Variants in FBXO32 observed in about 807,000 individuals in gnomAD.
FBXO32 encodes F-box only protein 32.
Under a neutral mutation model 48.3 loss-of-function variants are expected in FBXO32, and 15 were observed. The observed-to-expected ratio is 0.31, with a 90% CI of 0.21 to 0.48. The LOEUF is 0.48. FBXO32 is among the 20% of genes least tolerant of loss of function. The pLI is 0.99. For missense variants in FBXO32, 309 were observed against 432.7 expected (o/e 0.71, Z 2.54); for synonymous variants, 154 against 165.9 (o/e 0.93, Z 0.55).
chr8:123,503,569 G>T (rs1816544656), intron 8 of FBXO32, 107 bp from the exon 9 acceptor site: 1 of 756,766 alleles, frequency 1.3e-6, no homozygotes, highest in Non-Finnish European at 2.2e-6. Flanking sequence ...TGTCAATAAT[G>T]CCCCAGGCCT....
chr8:123,503,513 C>T, intron 8 of FBXO32, 51 bp from the exon 9 acceptor site: 1 of 1,463,258 alleles, frequency 6.8e-7, no homozygotes, highest in Non-Finnish European at 9.5e-7. Flanking sequence ...CTCTCTTTGG[C>T]TTTTAGCACC....
At chr8:123,504,192 C>CA (rs1346698749) in intron 8 of FBXO32, among the ~76,000 whole-genome samples, 1 of 151,886 alleles carries the variant, frequency 6.6e-6, no homozygotes, top group African/African-American at 2.4e-5. Context: ...ATGAATGTGT[C>CA]AAAGTACATT....
At chr8:123,534,836 G>C (rs1563927548) in intron 1 of FBXO32, 22 bp from the exon 2 acceptor site, 2 of 1,502,886 alleles carry the variant, frequency 1.3e-6, no homozygotes, top group Admixed American at 1.7e-5. Context: ...AGAAGACAAA[G>C]AGGATGAGCT....
intron 6 of FBXO32, among the ~76,000 whole-genome samples, chr8:123,509,033 A>G (rs1215535403): frequency 6.6e-6 from 1 of 152,136 alleles, no homozygotes; most frequent in Non-Finnish European, 1.5e-5. Context: ...CACTCCTCAC[A>G]TGCTTCAAAA....
chr8:123,513,117 G>T lies in FBXO32; in HGVS notation c.651+81C>A. On this transcript the variant is annotated intron_variant, in intron 6 of 8. Coordinates refer to ENST00000517956, the MANE Select transcript of FBXO32 (RefSeq NM_058229.4). This position sits in a 1 kb window ranked among gnomAD's most constrained non-coding sequence, Gnocchi z 4.3. ...GACCAGACTCTTCCGTCACAGGAGT[G>T]AATTCAAAGTCTTGGCGAGTCTGTC... is the stretch of plus-strand genomic sequence containing the variant. 7.0e-7 allele frequency: 1 copy of T among 1,426,806 alleles called. No homozygotes were observed. The highest frequency in any genetic ancestry group is 9.8e-7 in the Non-Finnish European group (1 of 1,023,832). The allele number at this position is 1,426,806 out of a possible 1,614,324, so 88.4% of individuals were successfully genotyped here. A position where few individuals can be genotyped will look rare whatever the true frequency, so the allele number is the denominator to read the frequency against.
intron 4 of FBXO32, among the ~76,000 whole-genome samples, chr8:123,518,948 A>G (rs1446124155): frequency 6.6e-6 from 1 of 152,128 alleles, no homozygotes; most frequent in Non-Finnish European, 1.5e-5. Flanking sequence ...CAGCCTCCCA[A>G]GTAGCTGGGA....
chr8:123,535,612 C>T (rs946959624), intron 1 of FBXO32, among the ~76,000 whole-genome samples: 6 of 152,180 alleles, frequency 3.9e-5, no homozygotes, highest in Admixed American at 6.5e-5. Flanking sequence ...TCGGGCCAGA[C>T]GCTTATTTGC....
chr8:123,534,115 A>C (rs1587003560), intron 2 of FBXO32, among the ~76,000 whole-genome samples: 1 of 133,050 alleles, frequency 7.5e-6, no homozygotes, highest in South Asian at 2.4e-4. Context: ...AAACAAACAA[A>C]AAACACCAAA....
chr8:123,512,401 G>A (rs1222447709), intron 6 of FBXO32, among the ~76,000 whole-genome samples: 1 of 152,178 alleles, frequency 6.6e-6, no homozygotes, highest in Non-Finnish European at 1.5e-5. Flanking sequence ...CTTTATCAGT[G>A]TGGGTCCCGG....
intron 1 of FBXO32, among the ~76,000 whole-genome samples, chr8:123,539,578 C>G (rs1341733317): frequency 6.6e-6 from 1 of 152,196 alleles, no homozygotes; most frequent in Non-Finnish European, 1.5e-5. Context: ...GCTCAAGTCT[C>G]TCCGGACAGA....
chr8:123,514,351 A>AGTTGCCAG lies in FBXO32; in HGVS notation c.373-26_373-19dup. ...TCCAACAGCTGAGGATAAAAATAGAAGTTGCCAGGCTTAGAGTACAGAGAT... is the reference window on the plus strand; with the variant it reads ...TCCAACAGCTGAGGATAAAAATAGAAGTTGCCAGGTTGCCAGGCTTAGAGTACAGAGAT... On this transcript the variant is annotated intron_variant, in intron 4 of 8. Coordinates refer to ENST00000517956, the MANE Select transcript of FBXO32 (RefSeq NM_058229.4). 17 of 1,602,982 alleles carry AGTTGCCAG rather than the reference A, an allele frequency of 1.1e-5. No individual in the cohort carries two copies. The Middle Eastern group carries it at 2.8e-3, about 266-fold the overall frequency.
At position 123,503,265 on chromosome 8, in the gene FBXO32, G is replaced by A. The variant is rs1175037583; in HGVS notation, c.*108C>T. On this transcript the variant is annotated 3_prime_UTR_variant, in exon 9 of 9. Transcript: ENST00000517956. ...CCATGACTTATCTCTGAAGTTTCGAGCCAATGTTTAAAATGTACACTATTT... is the reference window on the plus strand; with the variant it reads ...CCATGACTTATCTCTGAAGTTTCGAACCAATGTTTAAAATGTACACTATTT... 2.3e-6 allele frequency: 2 copies of A among 856,116 alleles called. No individual in the cohort carries two copies. Among genetic ancestry groups the A allele is most frequent in the Non-Finnish European group, 3.7e-6 (2 of 545,630 alleles). 53.0% of individuals were successfully genotyped at this position (856,116 alleles called of 1,614,324 possible). A position where few individuals can be genotyped will look rare whatever the true frequency, so the allele number is the denominator to read the frequency against.
intron 4 of FBXO32, among the ~76,000 whole-genome samples, chr8:123,522,845 C>T (rs75006910): frequency 0.083 from 12,673 of 152,190 alleles, 867 homozygotes; most frequent in East Asian, 0.41. Flanking sequence ...CTCCAAGGCT[C>T]CTAGACTGTA....
chr8:123,535,427 G>A (rs181115676), intron 1 of FBXO32, among the ~76,000 whole-genome samples: 180 of 152,294 alleles, frequency 1.2e-3, no homozygotes, highest in Non-Finnish European at 2.1e-3. Flanking sequence ...AGTGCCAGTT[G>A]CTTAGGTTTT....
Position 123,502,618 on chromosome 8 carries a change from T to G in FBXO32, c.*755A>C, listed in dbSNP as rs1371793010. ...AAAAAAGGAACATGTGCTTTTGGGT[T>G]GTTCTGGTGAACAGATAACTCTAAG... On this transcript the variant is annotated 3_prime_UTR_variant, in exon 9 of 9. Coordinates refer to ENST00000517956, the MANE Select transcript of FBXO32 (RefSeq NM_058229.4). 6.6e-6 allele frequency: 1 copy of G among 152,284 alleles called. No homozygotes were observed. Among genetic ancestry groups the G allele is most frequent in the African/African-American group, 2.4e-5 (1 of 41,466 alleles). The allele number at this position is 152,284 out of a possible 1,614,324, so 9.4% of individuals were successfully genotyped here.
chr8:123,509,086 T>C (rs950984246), intron 6 of FBXO32, among the ~76,000 whole-genome samples: 3 of 152,200 alleles, frequency 2.0e-5, no homozygotes, highest in Non-Finnish European at 4.4e-5. Flanking sequence ...TTTGATTTTT[T>C]CCCCAAGACC....
chr8:123,503,436 A>G lies in FBXO32; in HGVS notation c.1005T>C (p.Asn335=), dbSNP rs1448065398. ...WKGTDHPCTA[N]NPESCSVSLS... Reference sequence around the variant, plus strand: ...GTGAAACGGAGCAGCTCTCTGGGTTATTGGCAGTGCACGGATGGTCAGTGC... The same window carrying G: ...GTGAAACGGAGCAGCTCTCTGGGTTGTTGGCAGTGCACGGATGGTCAGTGC... Residue 335 remains asparagine (N), a synonymous_variant, in exon 9 of 9, where the codon AAT becomes AAC. Coordinates refer to ENST00000517956, the MANE Select transcript of FBXO32 (RefSeq NM_058229.4). 4 of 1,614,016 alleles carry G rather than the reference A, an allele frequency of 2.5e-6. No individual in the cohort carries two copies. The highest frequency in any genetic ancestry group is 3.4e-6 in the Non-Finnish European group (4 of 1,179,996).
chr8:123,517,965 G>A (rs931942086), intron 4 of FBXO32, among the ~76,000 whole-genome samples: 1 of 152,174 alleles, frequency 6.6e-6, no homozygotes, highest in African/African-American at 2.4e-5. Context: ...TTTAAGGTTT[G>A]TGGGCCACGT....
rs757430757 is a variant in FBXO32, at chr8:123,533,248, G to C, written c.230-8C>G. ...ATTTTTCTTGGTGGAAATCTACAGA[G>C]ACAAAAAGAATACACAGCTTTAACA... On this transcript the variant is annotated splice_polypyrimidine_tract_variant and splice_region_variant and intron_variant, in intron 2 of 8. Transcript: ENST00000517956. 8.7e-6 allele frequency: 14 copies of C among 1,606,806 alleles called. No individual in the cohort carries two copies. The South Asian group carries it at 1.4e-4, about 16-fold the overall frequency.
Sources: allele counts gnomAD v4.1 joint callset (sites outside exome capture counted in the v4.1 genomes callset), GRCh38; gene constraint gnomAD v4.1.1; non-coding constraint Gnocchi (gnomAD v3.1); transcripts MANE v1.5; gene names NCBI Gene and HGNC (gene_info 2026-07-23, HGNC 2026-07-21).